Variants in PCM1 observed in about 807,000 individuals in gnomAD.
PCM1 encodes the protein pericentriolar material 1 protein.
In PCM1, 157 loss-of-function variants were observed where a neutral mutation model predicts 241.9. The observed-to-expected ratio is 0.65, with a 90% CI of 0.57 to 0.74. The LOEUF (loss-of-function observed/expected upper bound fraction) is 0.74. Among genes scored for constraint, PCM1 ranks in the 30% least tolerant of loss-of-function variants. The pLI is 0.00. For missense variants in PCM1, 3,478 were observed against 2,360.1 expected, an observed-to-expected ratio of 1.47 and a Z score of -9.81; for synonymous variants, 1,085 against 784.9, an observed-to-expected ratio of 1.38 and a Z score of -6.39.
rs565010714 is a variant in PCM1 at position 17,931,134 on chromosome 8, C to G, written c.-22-4455C>G. ...AAAAAAATCATCTGTTTTTCCCAAA[C>G]TAATTAGAGTGTACAGTTTTAAAAT... On this transcript the variant is annotated intron_variant, in intron 2 of 38. Transcript: ENST00000325083. Among the ~76,000 whole-genome samples, 106 of 152,218 alleles carry G rather than the reference C, an allele frequency of 7.0e-4. 1 individual carries two copies. The highest frequency in any genetic ancestry group is 7.2e-4 in the Admixed American group (11 of 15,292).
At chr8:17,928,607 T>C (rs552793231) in intron 2 of PCM1, among the ~76,000 whole-genome samples, 4 of 147,794 alleles carry the variant, frequency 2.7e-5, no homozygotes, top group South Asian at 4.3e-4. Context: ...GCATTTTTAG[T>C]ATCTCCCTCT....
chr8:17,985,653 A>T (rs188607775), intron 25 of PCM1, 34 bp downstream of exon 25: 116 of 1,488,452 alleles, frequency 7.8e-5, no homozygotes, highest in Middle Eastern at 3.4e-4. Context: ...TTCCTACCCT[A>T]TTATCACCTT....
Position 17,947,595 on chromosome 8 carries a change from A to G in PCM1, c.961+232A>G, listed in dbSNP as rs202225380. Among the ~76,000 whole-genome samples, 4 of 152,326 alleles carry G rather than the reference A, an allele frequency of 2.6e-5. No homozygotes were observed. In the East Asian group the frequency reaches 5.8e-4, roughly 22 times the overall value. Reference sequence around the variant, plus strand: ...TAGCCAGATCTCTCTCCTTTTCATCAGAGAGTACCCTTAAGAGGTAAAAGA... The same window carrying G: ...TAGCCAGATCTCTCTCCTTTTCATCGGAGAGTACCCTTAAGAGGTAAAAGA... On this transcript the variant is annotated intron_variant, in intron 7 of 38. Transcript: ENST00000325083.
chr8:17,937,358 A>G lies in PCM1; in HGVS notation c.321A>G (p.Ile107Met). The G allele has an allele frequency of 6.2e-7, 1 of 1,600,704 alleles. No homozygotes were observed. Residue 107 changes from isoleucine (I) to methionine (M), a missense_variant, in exon 4 of 39, where the codon ATA (isoleucine) becomes ATG (methionine). By Grantham distance (10) the Ile-to-Met change is conservative. Transcript: ENST00000325083. ...AATTAGAGAAACTGAAACAGCGGAT[A>G]AACTTCAGTGATTTAGATCAGGTTT... is the stretch of plus-strand genomic sequence containing the variant. ...QAELEKLKQR[I>M]NFSDLDQRSI...
At chr8:17,959,902 A>T (rs908195858) in intron 13 of PCM1, 112 bp from the exon 14 acceptor site, 6 of 1,000,944 alleles carry the variant, frequency 6.0e-6, no homozygotes, top group African/African-American at 1.6e-5. Flanking sequence ...TGCTTTCTTT[A>T]CTGCTTTAAT....
At chr8:18,003,593 T>C (rs1030618433) in intron 29 of PCM1, among the ~76,000 whole-genome samples, 1 of 152,160 alleles carries the variant, frequency 6.6e-6, no homozygotes, top group Non-Finnish European at 1.5e-5. Flanking sequence ...ATAGCACTTA[T>C]GACAAAGGAT....
At chr8:17,928,434 C>G (rs2057833468) in intron 2 of PCM1, among the ~76,000 whole-genome samples, 2 of 152,082 alleles carry the variant, frequency 1.3e-5, no homozygotes, top group African/African-American at 4.8e-5. Context: ...ACCACCACAT[C>G]TGCTAAGCAG....
At chr8:17,953,328 T>G (rs2066783443) in intron 9 of PCM1, 142 bp downstream of exon 9, 6 of 455,612 alleles carry the variant, frequency 1.3e-5, no homozygotes, top group Non-Finnish European at 2.3e-5. Flanking sequence ...ATGAAAAGTT[T>G]CTAAGTTGCA....
At chr8:17,949,706 A>T (rs1408815784) in intron 7 of PCM1, among the ~76,000 whole-genome samples, 4 of 152,112 alleles carry the variant, frequency 2.6e-5, no homozygotes, top group African/African-American at 9.7e-5. Flanking sequence ...TGTGGTGCCC[A>T]GGCTGGTCTT....
intron 29 of PCM1, 22 bp downstream of exon 29, chr8:17,993,641 T>C: frequency 6.4e-7 from 1 of 1,551,242 alleles, no homozygotes; most frequent in African/African-American, 1.4e-5. Context: ...TTTTAAAAAA[T>C]AAACGAAACC....
At chr8:17,954,143 T>C (rs1040927870) in intron 9 of PCM1, among the ~76,000 whole-genome samples, 1 of 152,144 alleles carries the variant, frequency 6.6e-6, no homozygotes, top group African/African-American at 2.4e-5. Context: ...AACTAAGATG[T>C]GTGGCTGGGT....
At chr8:18,019,590 G>A (rs1254690723) in intron 36 of PCM1, among the ~76,000 whole-genome samples, 2 of 152,160 alleles carry the variant, frequency 1.3e-5, no homozygotes, top group African/African-American at 4.8e-5. Flanking sequence ...AGGCATTAGA[G>A]TCTCATAAGG....
intron 17 of PCM1, 61 bp downstream of exon 17, chr8:17,963,352 G>C: frequency 1.6e-6 from 2 of 1,270,216 alleles, no homozygotes; most frequent in Non-Finnish European, 2.2e-6. Context: ...TGACCTGTAG[G>C]CTAGGCAGCC....
Position 18,025,626 on chromosome 8 carries a change from T to G in PCM1, c.6017T>G (p.Leu2006Ter). 6.4e-7 allele frequency: 1 copy of G among 1,572,932 alleles called. No homozygotes were observed. The highest frequency in any genetic ancestry group is 1.2e-5 in the South Asian group (1 of 84,908). ...ATATGTGAAATGCAGACCGAAGAAT[T>G]AGCTGGAAATTCTGAGACACTAAAA... Reference protein sequence around the residue: ...GEICEMQTEELAGNSETLKEP... With the variant: ...GEICEMQTEE Residue 2006 changes from leucine to a stop codon, truncating the protein, a stop_gained, in exon 38 of 39, where the codon TTA becomes TGA. Transcript: ENST00000325083. LOFTEE classifies it high-confidence loss of function.
chr8:17,928,757 T>A (rs946643320), intron 2 of PCM1, among the ~76,000 whole-genome samples: 1 of 151,718 alleles, frequency 6.6e-6, no homozygotes, highest in African/African-American at 2.4e-5. Context: ...TCAGCCTCTC[T>A]TGTAGCTGGG....
intron 36 of PCM1, among the ~76,000 whole-genome samples, chr8:18,024,485 C>T (rs957086627): frequency 6.6e-6 from 1 of 152,126 alleles, no homozygotes; most frequent in Non-Finnish European, 1.5e-5. Context: ...TTTTGTTTGC[C>T]TCACTACGAG....
intron 19 of PCM1, 39 bp from the exon 20 acceptor site, chr8:17,966,289 A>C (rs757173946): frequency 2.5e-6 from 4 of 1,609,848 alleles, no homozygotes; most frequent in Non-Finnish European, 3.4e-6. Flanking sequence ...ATTTTTCTCA[A>C]GTCATCAGTA....
chr8:17,950,484 ATTG>A lies in PCM1; in HGVS notation c.962-128_962-126del. 6 of 591,412 alleles carry A rather than the reference ATTG, an allele frequency of 1.0e-5. No individual in the cohort carries two copies. In the South Asian group the frequency reaches 1.3e-4, roughly 13 times the overall value. 36.6% of individuals were successfully genotyped at this position (591,412 alleles called of 1,614,324 possible). On this transcript the variant is annotated intron_variant, in intron 7 of 38. Transcript: ENST00000325083. ...AAATGATTGTTGGCAGATAGATCGG[ATTG>A]TTAACTAGTTTCAAGTTACGTATGT... is the stretch of plus-strand genomic sequence containing the variant.
intron 1 of PCM1, among the ~76,000 whole-genome samples, chr8:17,924,331 A>G (rs563388007): frequency 6.6e-4 from 101 of 152,242 alleles, no homozygotes; most frequent in Non-Finnish European, 1.2e-3. Flanking sequence ...TTAAATGAGC[A>G]AACATTTTTA....
Sources: gnomAD v4.1 joint callset for allele counts (sites outside exome capture counted in the v4.1 genomes callset) on GRCh38, gnomAD v4.1.1 for gene constraint, MANE v1.5 for transcripts, NCBI Gene and HGNC (gene_info 2026-07-23, HGNC 2026-07-21) for gene names.